Variants in THRB observed in about 807,000 individuals in gnomAD.
THRB encodes thyroid hormone receptor beta.
THRB carries 12 observed loss-of-function variants against 47.8 expected under a neutral mutation model. The ratio of observed to expected loss-of-function variants is 0.25; its 90% CI spans 0.16 to 0.41. THRB has a LOEUF of 0.41. THRB is among the 10% of genes least tolerant of loss of function. The pLI, the probability that THRB is intolerant of heterozygous loss-of-function variation, is 1.00. For missense variants in THRB, 348 were observed against 589.2 expected, an observed-to-expected ratio of 0.59 and a Z score of 4.24; for synonymous variants, 218 against 212.2, an observed-to-expected ratio of 1.03 and a Z score of -0.24.
In THRB at chr3:24,118,973, GTTTTTTTTTT is replaced by G. The variant is rs559325556; in HGVS notation, c.*3901_*3910del. The G allele has an allele frequency of 7.5e-4, 37 of 49,530 alleles. No individual in the cohort carries two copies. The South Asian group carries it at 8.6e-3, about 12-fold the overall frequency. The allele number at this position is 49,530 out of a possible 1,614,324, so 3.1% of individuals were successfully genotyped here. On this transcript the variant is annotated 3_prime_UTR_variant, in exon 11 of 11. Coordinates refer to ENST00000646209, the MANE Select transcript of THRB (RefSeq NM_001354712.2). ...GCCAAACCTTTTTTCCCCCAGTCTG[GTTTTTTTTTT>G]TTTTTTTTTTTTTTTTTTTTGAGTG...
chr3:24,333,923 G>A (rs1051437215), intron 2 of THRB, among the ~76,000 whole-genome samples: 1 of 151,924 alleles, frequency 6.6e-6, no homozygotes, highest in African/African-American at 2.4e-5. Context: ...GTTTCCTAAC[G>A]CCGTCATCAT....
intron 4 of THRB, among the ~76,000 whole-genome samples, chr3:24,210,764 G>A (rs765334058): frequency 3.9e-5 from 6 of 152,218 alleles, no homozygotes; most frequent in Non-Finnish European, 7.3e-5. Context: ...TTGACAGTAA[G>A]TAAGGTATGA....
intron 8 of THRB, among the ~76,000 whole-genome samples, chr3:24,140,263 A>G (rs2035261575): frequency 6.6e-6 from 1 of 152,174 alleles, no homozygotes; most frequent in Non-Finnish European, 1.5e-5. Context: ...TTCAACAAAT[A>G]TTTATCGAGT....
At chr3:24,483,319 T>A (rs1696758235) in intron 1 of THRB, among the ~76,000 whole-genome samples, 1 of 152,094 alleles carries the variant, frequency 6.6e-6, no homozygotes, top group Non-Finnish European at 1.5e-5. Flanking sequence ...ATTACTAGGT[T>A]AAATATTAGG....
At chr3:24,233,563 GAAAGAA>G (rs781242438) in intron 3 of THRB, among the ~76,000 whole-genome samples, 1 of 77,352 alleles carries the variant, frequency 1.3e-5, no homozygotes, top group African/African-American at 4.0e-5. Flanking sequence ...GAAAAAGGAA[GAAAGAA>G]AGAAAGAAAG....
chr3:24,472,518 A>C (rs183873568), intron 1 of THRB, among the ~76,000 whole-genome samples: 17 of 152,332 alleles, frequency 1.1e-4, no homozygotes, highest in Non-Finnish European at 1.0e-4. Flanking sequence ...CTTTTACACA[A>C]AGCCAATTAT....
At chr3:24,200,927 G>A (rs1050469396) in intron 4 of THRB, among the ~76,000 whole-genome samples, 7 of 152,126 alleles carry the variant, frequency 4.6e-5, no homozygotes, top group African/African-American at 1.7e-4. Context: ...TTATGAAATG[G>A]GCCTTAGTGG....
chr3:24,180,737 A>G (rs1407082705), intron 5 of THRB, among the ~76,000 whole-genome samples: 1 of 152,200 alleles, frequency 6.6e-6, no homozygotes, highest in African/African-American at 2.4e-5. Context: ...AGAATTAGCC[A>G]CAGAATAGAA....
chr3:24,286,898 G>A (rs1373009732), intron 3 of THRB, among the ~76,000 whole-genome samples: 3 of 152,178 alleles, frequency 2.0e-5, no homozygotes, highest in Non-Finnish European at 4.4e-5. Context: ...AGAGGAACAC[G>A]AGAGTGGGGC....
intron 3 of THRB, among the ~76,000 whole-genome samples, chr3:24,277,691 C>T (rs2054077645): frequency 6.6e-6 from 1 of 152,168 alleles, no homozygotes; most frequent in South Asian, 2.1e-4. Context: ...AAAGGTTATT[C>T]AGTGAGTTCT....
chr3:24,293,269 C>T (rs1388271870), intron 3 of THRB, among the ~76,000 whole-genome samples: 1 of 152,170 alleles, frequency 6.6e-6, no homozygotes, highest in Non-Finnish European at 1.5e-5. Context: ...TGTGGAGTCA[C>T]CCATCCCAGT....
At chr3:24,400,061 C>T (rs979027763) in intron 1 of THRB, among the ~76,000 whole-genome samples, 2 of 152,126 alleles carry the variant, frequency 1.3e-5, no homozygotes, top group Admixed American at 6.6e-5. Flanking sequence ...CGGCTTCAAA[C>T]ACTGAAGCAA....
chr3:24,457,042 A>G (rs1464219075), intron 1 of THRB, among the ~76,000 whole-genome samples: 1 of 152,202 alleles, frequency 6.6e-6, no homozygotes, highest in Non-Finnish European at 1.5e-5. Context: ...CACAATATTT[A>G]GAAGGGAAGA....
chr3:24,218,138 G>A (rs2046769907), intron 4 of THRB, among the ~76,000 whole-genome samples: 1 of 151,902 alleles, frequency 6.6e-6, no homozygotes, highest in South Asian at 2.1e-4. Context: ...CATGGTGGCA[G>A]GCACCTGTAA....
In THRB at chr3:24,282,919, G is replaced by A. The variant is rs867937959; in HGVS notation, c.-43+14307C>T. ...GAATCTCTGAATAGACCAATAACAG[G>A]ATCTGAAATTGTGGCAATAATCAAT... On this transcript the variant is annotated intron_variant, in intron 3 of 10. Transcript: ENST00000646209. Among the ~76,000 whole-genome samples the A allele has an allele frequency of 8.2e-4, 124 of 151,770 alleles. 1 individual carries two copies. In the Middle Eastern group the frequency reaches 0.027, roughly 33 times the overall value.
In THRB at chr3:24,226,032, A is replaced by C. The variant is rs146769852; in HGVS notation, c.22+2906T>G. ...ATTCGAGTTAGTGCAAAGTACATAA[A>C]TTTAATAAGCATTGCGGTTGAAAGA... On this transcript the variant is annotated intron_variant, in intron 4 of 10. Coordinates refer to ENST00000646209, the MANE Select transcript of THRB (RefSeq NM_001354712.2). Among the ~76,000 whole-genome samples, 529 of 152,322 alleles carry C rather than the reference A, an allele frequency of 3.5e-3. 2 individuals are homozygous for C. Among genetic ancestry groups the C allele is most frequent in the Non-Finnish European group, 5.0e-3 (338 of 68,026 alleles).
At chr3:24,140,575 ATTC>A (rs1403811499) in intron 8 of THRB, among the ~76,000 whole-genome samples, 1 of 151,864 alleles carries the variant, frequency 6.6e-6, no homozygotes, top group Non-Finnish European at 1.5e-5. Context: ...ATTTTTTATT[ATTC>A]TTATTTTTTA....
At chr3:24,464,255 G>A (rs202038012) in intron 1 of THRB, among the ~76,000 whole-genome samples, 3,630 of 129,920 alleles carry the variant, frequency 0.028, 64 homozygotes, top group East Asian at 0.093. Context: ...AAAAAAAAAA[G>A]AAAAAAAAAA....
At chr3:24,310,529 T>C (rs1424995212) in intron 2 of THRB, among the ~76,000 whole-genome samples, 1 of 152,182 alleles carries the variant, frequency 6.6e-6, no homozygotes, top group Non-Finnish European at 1.5e-5. Context: ...CTGGGCCCCA[T>C]CCCTAGAGCT....
Sources: allele counts gnomAD v4.1 joint callset (sites outside exome capture counted in the v4.1 genomes callset), GRCh38; gene constraint gnomAD v4.1.1; transcripts MANE v1.5; gene names NCBI Gene and HGNC (gene_info 2026-07-23, HGNC 2026-07-21).